The following SI variants were observed in gnomAD, a reference collection of about 807,000 sequenced individuals.
SI encodes the protein sucrase-isomaltase, intestinal.
Under a neutral mutation model 253.3 loss-of-function variants are expected in SI, and 235 were observed. The observed-to-expected ratio is 0.93, with a 90% CI of 0.83 to 1.03. The LOEUF (loss-of-function observed/expected upper bound fraction) is 1.03. Among genes scored for constraint, SI ranks in the 50% least tolerant of loss-of-function variants. SI has a pLI of 0.00. For synonymous variants in SI, 819 were observed against 712.0 expected (o/e 1.15, Z -2.39); for missense variants, 2,442 against 2,211.1 (o/e 1.10, Z -2.09).
At chr3:165,050,344 A>T (rs906830713) in intron 13 of SI, among the ~76,000 whole-genome samples, 2 of 152,272 alleles carry the variant, frequency 1.3e-5, no homozygotes, top group East Asian at 1.9e-4. Context: ...GTAAAAAGGC[A>T]AATAGCCTTT....
At chr3:165,061,415 T>G (rs1713980886) in intron 9 of SI, among the ~76,000 whole-genome samples, 1 of 152,022 alleles carries the variant, frequency 6.6e-6, no homozygotes, top group Non-Finnish European at 1.5e-5. Flanking sequence ...CTTTCTGCGC[T>G]TCTTTTCTAA....
chr3:165,069,511 T>A (rs12630624), intron 3 of SI, among the ~76,000 whole-genome samples: 35,084 of 151,900 alleles, frequency 0.23, 4,663 homozygotes, highest in Middle Eastern at 0.33. Context: ...TCTGTTGCCA[T>A]GGTATTGACA....
intron 44 of SI, among the ~76,000 whole-genome samples, chr3:164,990,898 T>TAAAAA (rs539924822): frequency 0.047 from 7,000 of 147,570 alleles, 537 homozygotes; most frequent in African/African-American, 0.17. Context: ...TAAAGTATAG[T>TAAAAA]AAAAAAAAAA....
intron 35 of SI, among the ~76,000 whole-genome samples, chr3:165,008,377 T>C (rs1718617553): frequency 6.6e-6 from 1 of 151,964 alleles, no homozygotes; most frequent in Non-Finnish European, 1.5e-5. Context: ...ATATTAATAG[T>C]TTACAAATGC....
intron 1 of SI, among the ~76,000 whole-genome samples, chr3:165,077,765 T>G (rs2108121942): frequency 6.6e-6 from 1 of 151,754 alleles, no homozygotes; most frequent in Non-Finnish European, 1.5e-5. Flanking sequence ...TGTGCTTTCC[T>G]TTTTGATAAG....
In SI at chr3:164,996,784, AG is replaced by A. The variant is rs746546923; in HGVS notation, c.4541-13del. 1.5e-5 allele frequency: 15 copies of A among 986,562 alleles called. No homozygotes were observed. Among genetic ancestry groups the A allele is most frequent in the Non-Finnish European group, 2.3e-5 (15 of 647,988 alleles). 61.1% of individuals were successfully genotyped at this position (986,562 alleles called of 1,614,324 possible). A position where few individuals can be genotyped will look rare whatever the true frequency, so the allele number is the denominator to read the frequency against. The stretch of plus-strand genomic sequence containing the variant: ...AAATTCCATCATACCTGAAAAAGTT[AG>A]AAAAAATATCTTAGAAAGTTATTAT... On this transcript the variant is annotated splice_polypyrimidine_tract_variant and intron_variant, in intron 38 of 47. Transcript: ENST00000264382.
intron 16 of SI, 152 bp downstream of exon 16, chr3:165,046,689 A>G (rs910064663): frequency 1.1e-5 from 7 of 627,672 alleles, no homozygotes; most frequent in African/African-American, 1.1e-4. Flanking sequence ...TACCATCTGT[A>G]TTCTTATTTT....
At chr3:165,033,560 A>C (rs2108207269) in intron 22 of SI, 116 bp from the exon 23 acceptor site, 1 of 1,006,400 alleles carries the variant, frequency 9.9e-7, no homozygotes, top group East Asian at 3.4e-5. Flanking sequence ...TTATTAATGA[A>C]GCATCCCAAA....
chr3:165,004,479 G>C (rs1718407038), intron 37 of SI, among the ~76,000 whole-genome samples: 1 of 152,108 alleles, frequency 6.6e-6, no homozygotes, highest in South Asian at 2.1e-4. Context: ...ATATCAAAAA[G>C]ATATCTGCCC....
rs952703450 is a variant in SI, at chr3:165,049,171, A to G, written c.1671T>C (p.Asp557=). ...DAVQNWGKQY[D]VHSLYGYSMA... is the part of the protein sequence containing the mutation. The stretch of plus-strand genomic sequence containing the variant: ...TGCTGTATCCATAGAGGCTATGAAC[A>G]TCATACTGTTTACCCCAGTTCTGCA... The change falls in exon 15 of 48, where the codon GAT becomes GAC. Residue 557 remains aspartate (D), a synonymous_variant. Coordinates refer to ENST00000264382, the MANE Select transcript of SI (RefSeq NM_001041.4). The G allele has an allele frequency of 1.2e-6, 2 of 1,612,050 alleles. No homozygotes were observed. The highest frequency in any genetic ancestry group is 1.7e-6 in the Non-Finnish European group (2 of 1,178,328).
At chr3:164,981,532 G>T (rs1250853958) in intron 47 of SI, among the ~76,000 whole-genome samples, 1 of 152,048 alleles carries the variant, frequency 6.6e-6, no homozygotes, top group Non-Finnish European at 1.5e-5. Context: ...GATTAAGGGT[G>T]GGTGCACACA....
intron 25 of SI, among the ~76,000 whole-genome samples, chr3:165,026,304 C>G (rs996769301): frequency 2.0e-5 from 3 of 151,280 alleles, no homozygotes; most frequent in Non-Finnish European, 3.0e-5. Flanking sequence ...TATATATGCA[C>G]CTAACACTGG....
chr3:165,042,289 A>G (rs1377142632), intron 17 of SI, among the ~76,000 whole-genome samples: 2 of 152,074 alleles, frequency 1.3e-5, no homozygotes, highest in Non-Finnish European at 2.9e-5. Flanking sequence ...TTTTTCCATC[A>G]TGCCTCCTTC....
At chr3:165,057,660 G>A (rs947359242) in intron 12 of SI, among the ~76,000 whole-genome samples, 2 of 151,468 alleles carry the variant, frequency 1.3e-5, no homozygotes, top group African/African-American at 4.9e-5. Flanking sequence ...TAACTTTACA[G>A]GCCAGGAGAG....
chr3:165,065,468 T>TC (rs1560015760), intron 6 of SI, 36 bp from the exon 7 acceptor site: 1 of 227,258 alleles, frequency 4.4e-6, no homozygotes, highest in Admixed American at 8.7e-5. Flanking sequence ...TAATCTAATA[T>TC]ATATATATAT....
chr3:164,991,097 C>T (rs1183341890), intron 44 of SI, among the ~76,000 whole-genome samples: 2 of 152,064 alleles, frequency 1.3e-5, no homozygotes. Context: ...ACATGTGCAA[C>T]ATCTGCCTGG....
chr3:165,041,299 A>G (rs922759847), intron 17 of SI, among the ~76,000 whole-genome samples: 1 of 152,148 alleles, frequency 6.6e-6, no homozygotes, highest in Non-Finnish European at 1.5e-5. Flanking sequence ...TTAATTTTGA[A>G]GTGGACATTT....
chr3:165,006,303 T>A (rs907010306), intron 37 of SI, among the ~76,000 whole-genome samples: 2 of 151,916 alleles, frequency 1.3e-5, no homozygotes, highest in Non-Finnish European at 2.9e-5. Flanking sequence ...AGAGATGAGG[T>A]TTCACCATTT....
intron 37 of SI, among the ~76,000 whole-genome samples, chr3:165,004,604 G>A (rs959962302): frequency 6.6e-5 from 10 of 152,040 alleles, no homozygotes; most frequent in Admixed American, 3.9e-4. Context: ...GGAGTCCTAT[G>A]CAGCTATAAA....
Sources: allele counts gnomAD v4.1 joint callset (sites outside exome capture counted in the v4.1 genomes callset), GRCh38; gene constraint gnomAD v4.1.1; transcripts MANE v1.5; gene names NCBI Gene and HGNC (gene_info 2026-07-23, HGNC 2026-07-21).